CCDC149: variants seen among roughly 807,000 people sequenced by gnomAD.
The protein encoded by CCDC149 is coiled-coil domain-containing protein 149.
CCDC149 carries 45 observed loss-of-function variants against 59.9 expected under a neutral mutation model. The ratio of observed to expected loss-of-function variants is 0.75; its 90% CI spans 0.59 to 0.96. The LOEUF is 0.96. Among genes scored for constraint, CCDC149 ranks in the 40% least tolerant of loss-of-function variants. The probability of loss-of-function intolerance (pLI) is 0.00; values close to 1 mark genes in which losing one functional copy is unlikely to be tolerated. For missense variants in CCDC149, 584 were observed against 664.7 expected (o/e 0.88, Z 1.33); for synonymous variants, 245 against 260.6 (o/e 0.94, Z 0.58).
chr4:24,952,622 A>ATAT (rs1723339959), intron 1 of CCDC149, among the ~76,000 whole-genome samples: 2 of 17,362 alleles, frequency 1.2e-4, no homozygotes, highest in African/African-American at 2.1e-4. Flanking sequence ...AAAAAAAAAA[A>ATAT]AAAAATATAT....
intron 1 of CCDC149, among the ~76,000 whole-genome samples, chr4:24,912,198 G>A (rs1168674719): frequency 1.3e-5 from 2 of 152,180 alleles, no homozygotes; most frequent in African/African-American, 2.4e-5. Flanking sequence ...AGGGGGACAC[G>A]GTGTTCTGTG....
intron 1 of CCDC149, among the ~76,000 whole-genome samples, chr4:24,925,525 T>C (rs1722414184): frequency 6.6e-6 from 1 of 152,224 alleles, no homozygotes; most frequent in African/African-American, 2.4e-5. Context: ...TATTTTGTTT[T>C]ACTTTGTATC....
Position 24,819,870 on chromosome 4 carries a change from T to A in CCDC149, c.1181A>T (p.Asp394Val). The change falls in exon 12 of 13, where the codon GAT (aspartate) becomes GTT (valine). Residue 394 changes from aspartate (D) to valine (V), a missense_variant. Transcript: ENST00000635206. ...CGAGGCGTGCTTACCATCCTTGGGA[T>A]CTGCTTTGTTCTCAGTGGGCTGCTC... 6.4e-7 allele frequency: 1 copy of A among 1,551,262 alleles called. No homozygotes were observed. The highest frequency in any genetic ancestry group is 8.7e-7 in the Non-Finnish European group (1 of 1,146,630).
At chr4:24,868,257 C>A (rs1236828960) in intron 3 of CCDC149, among the ~76,000 whole-genome samples, 1 of 152,190 alleles carries the variant, frequency 6.6e-6, no homozygotes. Context: ...TTCAAGACAA[C>A]CAGCCCCTAA....
intron 2 of CCDC149, among the ~76,000 whole-genome samples, chr4:24,875,262 G>A (rs1010955479): frequency 4.0e-5 from 6 of 151,734 alleles, no homozygotes; most frequent in South Asian, 2.1e-4. Flanking sequence ...CCTGGGAGGC[G>A]GAGCTTGCAG....
At chr4:24,887,422 A>C (rs1053747143) in intron 1 of CCDC149, among the ~76,000 whole-genome samples, 1 of 152,136 alleles carries the variant, frequency 6.6e-6, no homozygotes, top group Non-Finnish European at 1.5e-5. Flanking sequence ...TTCTCAGCAG[A>C]TGATAAACAG....
At chr4:24,929,205 C>A (rs1722517458) in intron 1 of CCDC149, among the ~76,000 whole-genome samples, 1 of 152,174 alleles carries the variant, frequency 6.6e-6, no homozygotes, top group Non-Finnish European at 1.5e-5. Context: ...GATTGCCAAG[C>A]AGCCCTGCTC....
At chr4:24,888,631 G>A (rs962885247) in intron 1 of CCDC149, among the ~76,000 whole-genome samples, 1 of 152,090 alleles carries the variant, frequency 6.6e-6, no homozygotes, top group East Asian at 1.9e-4. Flanking sequence ...CATGGGTTTG[G>A]TTATCTATGG....
chr4:24,810,586 C>T (rs1235064892), intron 12 of CCDC149, among the ~76,000 whole-genome samples: 1 of 152,168 alleles, frequency 6.6e-6, no homozygotes, highest in East Asian at 1.9e-4. Flanking sequence ...GTTCCTTTCG[C>T]TTCCCATGAT....
intron 1 of CCDC149, among the ~76,000 whole-genome samples, chr4:24,888,845 A>G (rs1255118183): frequency 1.3e-5 from 2 of 152,128 alleles, no homozygotes; most frequent in Non-Finnish European, 2.9e-5. Context: ...TCACCTCTGT[A>G]ATTTTTAGAT....
At chr4:24,972,287 T>TTTTTCTTTTC (rs200651666) in intron 1 of CCDC149, among the ~76,000 whole-genome samples, 13,810 of 142,626 alleles carry the variant, frequency 0.097, 833 homozygotes, top group South Asian at 0.22. Flanking sequence ...AATTCTGACC[T>TTTTTCTTTTC]TTTTCTTTTC....
intron 1 of CCDC149, among the ~76,000 whole-genome samples, chr4:24,898,247 C>G (rs78584670): frequency 6.6e-6 from 1 of 152,188 alleles, no homozygotes; most frequent in Non-Finnish European, 1.5e-5. Context: ...CACACTTTCA[C>G]ATACATCATC....
intron 1 of CCDC149, among the ~76,000 whole-genome samples, chr4:24,922,753 C>G (rs1319965665): frequency 6.6e-6 from 1 of 152,154 alleles, no homozygotes; most frequent in Non-Finnish European, 1.5e-5. Flanking sequence ...GAACTTTTCT[C>G]TCGCTGGGGG....
chr4:24,868,285 T>C (rs2109225508), intron 3 of CCDC149, among the ~76,000 whole-genome samples: 1 of 152,236 alleles, frequency 6.6e-6, no homozygotes, highest in East Asian at 1.9e-4. Flanking sequence ...AATGCTGCAT[T>C]TTCCTCCCCA....
At chr4:24,951,136 C>G (rs943891590) in intron 1 of CCDC149, among the ~76,000 whole-genome samples, 4 of 152,350 alleles carry the variant, frequency 2.6e-5, no homozygotes, top group South Asian at 2.1e-4. Flanking sequence ...CGTGGGTGCC[C>G]AGGCTGTCAC....
At chr4:24,856,855 C>T (rs1718043976) in intron 3 of CCDC149, among the ~76,000 whole-genome samples, 1 of 152,216 alleles carries the variant, frequency 6.6e-6, no homozygotes, top group African/African-American at 2.4e-5. Context: ...AAACATAATC[C>T]CTCCCTACCA....
intron 4 of CCDC149, among the ~76,000 whole-genome samples, chr4:24,846,137 A>G (rs975223785): frequency 2.0e-5 from 3 of 152,344 alleles, no homozygotes; most frequent in African/African-American, 7.2e-5. Flanking sequence ...CAAATGAGGT[A>G]TCGGAAGACC....
chr4:24,808,946 C>T, intron 12 of CCDC149, 127 bp from the exon 13 acceptor site: 1 of 901,296 alleles, frequency 1.1e-6, no homozygotes. Flanking sequence ...ACTTTTTTGG[C>T]TCCCTGTGCA....
intron 1 of CCDC149, among the ~76,000 whole-genome samples, chr4:24,968,695 G>A (rs112765883): frequency 0.018 from 2,795 of 152,308 alleles, 84 homozygotes; most frequent in African/African-American, 0.064. Flanking sequence ...AACACCATAC[G>A]GTTTGAAACC....
Sources: gnomAD v4.1 joint callset for allele counts (sites outside exome capture counted in the v4.1 genomes callset) on GRCh38, gnomAD v4.1.1 for gene constraint, MANE v1.5 for transcripts, NCBI Gene and HGNC (gene_info 2026-07-23, HGNC 2026-07-21) for gene names.